Variants in LSAMP observed in about 807,000 individuals in gnomAD.
The protein encoded by LSAMP is limbic system-associated membrane protein.
Under a neutral mutation model 38.6 loss-of-function variants are expected in LSAMP, and 7 were observed. The ratio of observed to expected loss-of-function variants is 0.18; its 90% CI spans 0.10 to 0.34. LSAMP has a LOEUF of 0.34. Among genes scored for constraint, LSAMP ranks in the 10% least tolerant of loss-of-function variants. The pLI is 1.00. For missense variants in LSAMP, 313 were observed against 420.0 expected, an observed-to-expected ratio of 0.75 and a Z score of 2.23; for synonymous variants, 154 against 166.8, an observed-to-expected ratio of 0.92 and a Z score of 0.59.
chr3:116,330,929 T>A (rs1195832339), intron 1 of LSAMP, among the ~76,000 whole-genome samples: 1 of 152,026 alleles, frequency 6.6e-6, no homozygotes, highest in African/African-American at 2.4e-5. Flanking sequence ...ACAGAAACTG[T>A]CCCTAAAAAG....
chr3:115,951,273 G>A (rs745916195), intron 3 of LSAMP, among the ~76,000 whole-genome samples: 8 of 152,040 alleles, frequency 5.3e-5, no homozygotes, highest in Non-Finnish European at 1.2e-4. Flanking sequence ...ATAAATAGAT[G>A]GGACCCAATT....
intron 1 of LSAMP, among the ~76,000 whole-genome samples, chr3:116,370,608 G>T (rs1409445365): frequency 6.6e-6 from 1 of 152,112 alleles, no homozygotes; most frequent in African/African-American, 2.4e-5. Flanking sequence ...GGAGTTGAGG[G>T]GAGGGTAAAA....
intron 1 of LSAMP, among the ~76,000 whole-genome samples, chr3:116,214,075 T>C (rs911743520): frequency 4.6e-5 from 7 of 152,216 alleles, no homozygotes; most frequent in Non-Finnish European, 8.8e-5. Context: ...CACAATAAAA[T>C]GATTTTTAAA....
At chr3:115,987,527 T>G (rs1939545273) in intron 3 of LSAMP, among the ~76,000 whole-genome samples, 1 of 152,194 alleles carries the variant, frequency 6.6e-6, no homozygotes, top group Non-Finnish European at 1.5e-5. Context: ...CCAATTAATT[T>G]AGATCCCTTT....
At chr3:116,237,810 TTAAC>T (rs1299278400) in intron 1 of LSAMP, among the ~76,000 whole-genome samples, 1 of 152,180 alleles carries the variant, frequency 6.6e-6, no homozygotes, top group Non-Finnish European at 1.5e-5. Flanking sequence ...CAACAACACA[TTAAC>T]TAAGTTCTCA....
intron 2 of LSAMP, among the ~76,000 whole-genome samples, chr3:116,077,018 T>A (rs1707758789): frequency 6.6e-6 from 1 of 151,932 alleles, no homozygotes; most frequent in South Asian, 2.1e-4. Flanking sequence ...CTATTGTTAG[T>A]ATTCTTAATA....
intron 3 of LSAMP, among the ~76,000 whole-genome samples, chr3:115,920,729 A>C (rs1422141449): frequency 2.0e-5 from 3 of 152,032 alleles, no homozygotes; most frequent in Admixed American, 6.6e-5. Flanking sequence ...GTGTCTTTCA[A>C]ATCCTCTGTT....
intron 1 of LSAMP, among the ~76,000 whole-genome samples, chr3:116,179,097 T>A (rs1710423476): frequency 6.6e-6 from 1 of 152,086 alleles, no homozygotes; most frequent in African/African-American, 2.4e-5. Context: ...TCCCTATGAT[T>A]GTGATGCAGT....
intron 3 of LSAMP, among the ~76,000 whole-genome samples, chr3:115,998,132 T>G (rs1340515432): frequency 2.0e-5 from 3 of 151,438 alleles, no homozygotes; most frequent in African/African-American, 7.3e-5. Context: ...TCATCCCTAG[T>G]TGACAACCAC....
intron 2 of LSAMP, among the ~76,000 whole-genome samples, chr3:116,079,380 T>A (rs527819888): frequency 5.3e-5 from 8 of 152,120 alleles, no homozygotes; most frequent in Non-Finnish European, 1.0e-4. Flanking sequence ...AGAAGCTGGC[T>A]AAGTGCGGTG....
intron 1 of LSAMP, among the ~76,000 whole-genome samples, chr3:116,425,943 AGAGAGGGT>A (rs758277375): frequency 1.3e-3 from 194 of 152,174 alleles, no homozygotes; most frequent in Non-Finnish European, 2.3e-3. Flanking sequence ...CCTAACAAAA[AGAGAGGGT>A]GAGTATGAGA....
chr3:116,376,261 G>C (rs1388207665), intron 1 of LSAMP, among the ~76,000 whole-genome samples: 1 of 152,018 alleles, frequency 6.6e-6, no homozygotes, highest in Non-Finnish European at 1.5e-5. Context: ...AGGATGATGA[G>C]ATAATCTTGC....
At chr3:116,234,062 A>G (rs2046436071) in intron 1 of LSAMP, among the ~76,000 whole-genome samples, 1 of 152,212 alleles carries the variant, frequency 6.6e-6, no homozygotes, top group South Asian at 2.1e-4. Context: ...TATTTTTAAG[A>G]CGTGGCTTTC....
chr3:116,180,031 G>A (rs1362432137), intron 1 of LSAMP, among the ~76,000 whole-genome samples: 1 of 152,142 alleles, frequency 6.6e-6, no homozygotes, highest in African/African-American at 2.4e-5. Flanking sequence ...CTTGGACTCA[G>A]ATCTGGAGAT....
At chr3:116,309,509 G>A (rs577202289) in intron 1 of LSAMP, among the ~76,000 whole-genome samples, 46 of 152,176 alleles carry the variant, frequency 3.0e-4, no homozygotes, top group Non-Finnish European at 4.7e-4. Context: ...TTGGCTAGTG[G>A]CTACTTACTA....
intron 1 of LSAMP, among the ~76,000 whole-genome samples, chr3:116,142,200 C>A (rs550147076): frequency 2.0e-4 from 30 of 152,150 alleles, no homozygotes; most frequent in African/African-American, 7.2e-4. Flanking sequence ...TCAGTGTATT[C>A]ATTCCAGACA....
intron 1 of LSAMP, among the ~76,000 whole-genome samples, chr3:116,320,947 A>G (rs1311549556): frequency 6.6e-6 from 1 of 152,178 alleles, no homozygotes; most frequent in Non-Finnish European, 1.5e-5. Context: ...GCTTTGATGC[A>G]AAAGCTTCCT....
intron 1 of LSAMP, among the ~76,000 whole-genome samples, chr3:116,278,849 T>C (rs181629891): frequency 6.6e-6 from 1 of 152,374 alleles, no homozygotes; most frequent in East Asian, 1.9e-4. Flanking sequence ...GTTTTGTTGA[T>C]ACTTTTATAT....
chr3:116,336,993 G>A (rs2047928282), intron 1 of LSAMP, among the ~76,000 whole-genome samples: 1 of 151,022 alleles, frequency 6.6e-6, no homozygotes, highest in Non-Finnish European at 1.5e-5. Context: ...ATTAAGTCTT[G>A]AAAAAAAGCA....
Sources: allele counts gnomAD v4.1 joint callset (sites outside exome capture counted in the v4.1 genomes callset), GRCh38; gene constraint gnomAD v4.1.1; transcripts MANE v1.5; gene names NCBI Gene and HGNC (gene_info 2026-07-23, HGNC 2026-07-21).